Variants in INPP4A observed in about 807,000 individuals in gnomAD.
INPP4A encodes inositol polyphosphate-4-phosphatase type I A.
INPP4A carries 33 observed loss-of-function variants against 119.8 expected under a neutral mutation model. The observed-to-expected ratio is 0.28, with a 90% confidence interval of 0.21 to 0.37. INPP4A has a LOEUF of 0.37. Among genes scored for constraint, INPP4A ranks in the 10% least tolerant of loss-of-function variants. The pLI is 1.00. For missense variants in INPP4A, 956 were observed against 1,289.9 expected (o/e 0.74, Z 3.97); for synonymous variants, 496 against 500.7 (o/e 0.99, Z 0.12).
intron 24 of INPP4A, among the ~76,000 whole-genome samples, chr2:98,585,682 G>A (rs950396301): frequency 7.9e-5 from 12 of 152,188 alleles, no homozygotes; most frequent in African/African-American, 1.4e-4. Context: ...CACATCAGCC[G>A]GATATTGCAA....
At chr2:98,537,806 C>G in intron 7 of INPP4A, 57 bp from the exon 8 acceptor site, 1 of 1,330,904 alleles carries the variant, frequency 7.5e-7, no homozygotes, top group Non-Finnish European at 1.1e-6. Flanking sequence ...CTTTGTATTT[C>G]AGCAGAAAAG....
At position 98,577,098 on chromosome 2, in the gene INPP4A, G is replaced by A; in HGVS notation, c.2741G>A (p.Gly914Asp). Residue 914 changes from glycine (G) to aspartate (D), a missense_variant, in exon 24 of 25, where the codon GGC becomes GAC. Gly to Asp is a moderately conservative substitution (Grantham distance 94, BLOSUM62 -1). Transcript: ENST00000409851. ...EQCLILQHEH[G>D]MAPQVFTQAL... ...TGCCTGATCCTGCAACACGAGCATG[G>A]CATGGCCCCGCAGGTCTTCACCCAG... is the stretch of plus-strand genomic sequence containing the variant. The A allele has an allele frequency of 1.9e-6, 3 of 1,613,724 alleles. No homozygotes were observed. Among genetic ancestry groups the A allele is most frequent in the Non-Finnish European group, 2.5e-6 (3 of 1,179,750 alleles).
rs574427071 is a variant in INPP4A, at chr2:98,468,878, G to A, written c.-166+23793G>A. On this transcript the variant is annotated intron_variant, in intron 1 of 24. Coordinates refer to ENST00000409851, the MANE Select transcript of INPP4A (RefSeq NM_001134225.2). ...CACTGGTACTTCCAGCCTAGGAGGC[G>A]TGGTGAATGCCTCCCACAGTGGTTG... Among the ~76,000 whole-genome samples the A allele has an allele frequency of 3.3e-5, 5 of 152,132 alleles. No homozygotes were observed. In the East Asian group the frequency reaches 9.7e-4, roughly 30 times the overall value.
chr2:98,584,825 T>C (rs1357366478), intron 24 of INPP4A, among the ~76,000 whole-genome samples: 1 of 152,262 alleles, frequency 6.6e-6, no homozygotes, highest in Non-Finnish European at 1.5e-5. Flanking sequence ...TTATGCTGAA[T>C]TTTAATGTCA....
intron 1 of INPP4A, among the ~76,000 whole-genome samples, chr2:98,507,773 C>G (rs755194997): frequency 6.6e-6 from 1 of 152,148 alleles, no homozygotes; most frequent in African/African-American, 2.4e-5. Context: ...TTGCTGCCAG[C>G]CTTGGAGTCA....
At position 98,570,581 on chromosome 2, in the gene INPP4A, G is replaced by T. The variant is rs1339768474; in HGVS notation, c.2518+1913G>T. On this transcript the variant is annotated intron_variant, in intron 22 of 24. Transcript: ENST00000409851. The surrounding 1 kb of genome is among the most constrained non-coding windows in gnomAD (Gnocchi z 4.3). ...AGCAACTTGAGGGATGGGGCTGTGG[G>T]CAGGTGGGACACACCCTGGAGCTGC... 6.6e-6 allele frequency among the ~76,000 whole-genome samples: 1 copy of T among 152,154 alleles called. No homozygotes were observed. The highest frequency in any genetic ancestry group is 1.5e-5 in the Non-Finnish European group (1 of 68,018).
intron 1 of INPP4A, among the ~76,000 whole-genome samples, chr2:98,499,831 T>G (rs574472262): frequency 6.6e-6 from 1 of 152,272 alleles, no homozygotes; most frequent in South Asian, 2.1e-4. Flanking sequence ...TATGGAGAAG[T>G]AGTAAGTTTC....
intron 3 of INPP4A, 82 bp from the exon 4 acceptor site, chr2:98,520,605 T>TA (rs1687004317): frequency 1.2e-6 from 1 of 823,560 alleles, no homozygotes; most frequent in African/African-American, 1.8e-5. Flanking sequence ...TGGGGGGAAG[T>TA]AGAGGGTCAT....
At chr2:98,581,523 T>C (rs1441097106) in intron 24 of INPP4A, 3 of 1,486,768 alleles carry the variant, frequency 2.0e-6, no homozygotes, top group African/African-American at 2.9e-5. Context: ...TTCTTTATTT[T>C]CTTTCCTTTC....
rs1426455463 is a variant in INPP4A, at chr2:98,546,934, C to A, written c.1163+240C>A. On this transcript the variant is annotated intron_variant, in intron 13 of 24. Transcript: ENST00000409851. This position sits in a 1 kb window ranked among gnomAD's most constrained non-coding sequence, Gnocchi z 4.2. ...GCAAAATGAGGAGCAGATTGTGATCCACCTCAGAAGTGGTGCTCCAGGCAA... is the reference window on the plus strand; with the variant it reads ...GCAAAATGAGGAGCAGATTGTGATCAACCTCAGAAGTGGTGCTCCAGGCAA... Among the ~76,000 whole-genome samples the A allele has an allele frequency of 2.0e-5, 3 of 152,126 alleles. No homozygotes were observed. Among genetic ancestry groups the A allele is most frequent in the Non-Finnish European group, 4.4e-5 (3 of 68,024 alleles).
At chr2:98,514,497 G>C (rs1428529079) in intron 1 of INPP4A, among the ~76,000 whole-genome samples, 2 of 152,130 alleles carry the variant, frequency 1.3e-5, no homozygotes, top group Non-Finnish European at 2.9e-5. Flanking sequence ...CCCATGATTA[G>C]AGGGCTGGAA....
chr2:98,532,641 C>G (rs1028360218), intron 4 of INPP4A, among the ~76,000 whole-genome samples: 2 of 152,136 alleles, frequency 1.3e-5, no homozygotes, highest in Non-Finnish European at 2.9e-5. Flanking sequence ...GGCTACCAAC[C>G]TGGACAGCTA....
At chr2:98,520,509 G>A (rs1686981885) in intron 3 of INPP4A, among the ~76,000 whole-genome samples, 178 bp from the exon 4 acceptor site, 1 of 126,676 alleles carries the variant, frequency 7.9e-6, no homozygotes, top group African/African-American at 3.0e-5. Flanking sequence ...GGGTTTGGTT[G>A]TGGGGTCAGG....
chr2:98,523,236 C>T (rs1687557064), intron 4 of INPP4A, among the ~76,000 whole-genome samples: 1 of 152,060 alleles, frequency 6.6e-6, no homozygotes, highest in African/African-American at 2.4e-5. Flanking sequence ...TCCTCATCCG[C>T]CTATAAATCA....
chr2:98,586,098 C>T (rs572368495), intron 24 of INPP4A, among the ~76,000 whole-genome samples: 2 of 152,336 alleles, frequency 1.3e-5, no homozygotes, highest in East Asian at 3.9e-4. Flanking sequence ...TCCAGGGGGC[C>T]TCCTGTGGCC....
At chr2:98,548,898 C>T in intron 13 of INPP4A, 2 of 1,530,642 alleles carry the variant, frequency 1.3e-6, no homozygotes, top group Non-Finnish European at 1.8e-6. Context: ...TTTGTTTTTG[C>T]ATTTGGTATT....
At chr2:98,587,176 A>T (rs1410078830) in intron 24 of INPP4A, among the ~76,000 whole-genome samples, 2 of 152,242 alleles carry the variant, frequency 1.3e-5, no homozygotes, top group Non-Finnish European at 2.9e-5. Context: ...ACCCCAAAAG[A>T]CATGAGCTAC....
intron 24 of INPP4A, chr2:98,581,929 TTATTTCACCA>T: frequency 9.4e-7 from 1 of 1,069,510 alleles, no homozygotes; most frequent in Non-Finnish European, 1.3e-6. Flanking sequence ...ATCTGCCAAA[TTATTTCACCA>T]AGAAGACTTG....
At chr2:98,530,257 A>T (rs1005495436) in intron 4 of INPP4A, among the ~76,000 whole-genome samples, 1 of 152,160 alleles carries the variant, frequency 6.6e-6, no homozygotes, top group African/African-American at 2.4e-5. Flanking sequence ...TGATAGGACA[A>T]TAAAGAATCT....
Sources: gnomAD v4.1 joint callset for allele counts (sites outside exome capture counted in the v4.1 genomes callset) on GRCh38, gnomAD v4.1.1 for gene constraint, Gnocchi (gnomAD v3.1) non-coding constraint, MANE v1.5 for transcripts, NCBI Gene and HGNC (gene_info 2026-07-23, HGNC 2026-07-21) for gene names.